Variants in NSUN4 observed in about 807,000 individuals in gnomAD.
The protein encoded by NSUN4 is NOP2/Sun RNA methyltransferase 4.
NSUN4 carries 31 observed loss-of-function variants against 43.8 expected under a neutral mutation model. The observed-to-expected ratio is 0.71, with a 90% CI of 0.53 to 0.96. NSUN4 has a LOEUF of 0.96. Ranked by LOEUF, NSUN4 falls within the 40% of genes least tolerant of loss-of-function variation. The pLI, the probability that NSUN4 is intolerant of heterozygous loss-of-function variation, is 0.00. For missense variants in NSUN4, 439 were observed against 475.6 expected (o/e 0.92, Z 0.72); for synonymous variants, 167 against 184.1 (o/e 0.91, Z 0.75).
At chr1:46,376,096 TAAAAAAAAAAAA>T in the NSUN4 span, among the ~76,000 whole-genome samples, 3 of 40,870 alleles carry the variant, frequency 7.3e-5, no homozygotes, top group Non-Finnish European at 1.2e-4. Flanking sequence ...AGAGCGAAAC[TAAAAAAAAAAAA>T]AAAAAAAAAA....
At chr1:46,368,154 G>C (rs1664177457), downstream of NSUN4, among the ~76,000 whole-genome samples, 1 of 151,970 alleles carries the variant, frequency 6.6e-6, no homozygotes, top group African/African-American at 2.4e-5. Context: ...ATTTCTCACT[G>C]ATCAAAGGCA....
intron 4 of NSUN4, among the ~76,000 whole-genome samples, chr1:46,354,889 T>G (rs977977160): frequency 8.5e-5 from 13 of 152,304 alleles, no homozygotes; most frequent in South Asian, 4.1e-4. Flanking sequence ...CAGACTGGTC[T>G]CGAACACCTG....
chr1:46,359,772 T>C (rs182359928), intron 4 of NSUN4, among the ~76,000 whole-genome samples: 2 of 152,126 alleles, frequency 1.3e-5, no homozygotes, highest in East Asian at 3.9e-4. Flanking sequence ...GCCCGGCTAA[T>C]TAAAAAATTT....
rs1663983315 is a variant in NSUN4, at chr1:46,363,078, TC to T, written c.*1234del. The T allele has an allele frequency of 6.6e-6, 1 of 152,116 alleles. No homozygotes were observed. Among genetic ancestry groups the T allele is most frequent in the African/African-American group, 2.4e-5 (1 of 41,434 alleles). The allele number at this position is 152,116 out of a possible 1,614,324, so 9.4% of individuals were successfully genotyped here. On this transcript the variant is annotated 3_prime_UTR_variant, in exon 6 of 6. Coordinates refer to ENST00000474844, the MANE Select transcript of NSUN4 (RefSeq NM_199044.4). ...TTCTTGGCTTTTCCACTTTCCTTATTCCTCCTCTTCCTGCCACTCTTTTTGT... is the reference window on the plus strand; with the variant it reads ...TTCTTGGCTTTTCCACTTTCCTTATTCTCCTCTTCCTGCCACTCTTTTTGT...
chr1:46,344,794 CTT>C lies in NSUN4; in HGVS notation c.94-4_94-3del. 1 of 1,611,388 alleles carries C rather than the reference CTT, an allele frequency of 6.2e-7. No individual in the cohort carries two copies. Among genetic ancestry groups the C allele is most frequent in the Non-Finnish European group, 8.5e-7 (1 of 1,178,248 alleles). ...GAAAACCAATAAGCCTGTCCTCTCT[CTT>C]TTAGGCTGCCACAGAGCCCAAATTC... On this transcript the variant is annotated splice_region_variant and splice_polypyrimidine_tract_variant and intron_variant, in intron 1 of 5. Coordinates refer to ENST00000474844, the MANE Select transcript of NSUN4 (RefSeq NM_199044.4).
downstream of NSUN4, among the ~76,000 whole-genome samples, chr1:46,365,816 G>A (rs1664121979): frequency 6.6e-6 from 1 of 152,248 alleles, no homozygotes; most frequent in African/African-American, 2.4e-5. Flanking sequence ...CTAACACTTA[G>A]GATTATCAAC....
chr1:46,351,481 T>A (rs1662976333), intron 3 of NSUN4, among the ~76,000 whole-genome samples: 1 of 152,046 alleles, frequency 6.6e-6, no homozygotes, highest in Non-Finnish European at 1.5e-5. Flanking sequence ...CTACCAAAGA[T>A]GAAGAGAGCC....
At chr1:46,353,132 T>C in intron 4 of NSUN4, 104 bp downstream of exon 4, 1 of 1,092,142 alleles carries the variant, frequency 9.2e-7, no homozygotes, top group Non-Finnish European at 1.3e-6. Flanking sequence ...TTTGAGCATG[T>C]AGAGCTGTTT....
At position 46,361,864 on chromosome 1, in the gene NSUN4, A is replaced by G. The variant is rs749624619; in HGVS notation, c.*18A>G. Reference sequence around the variant, plus strand: ...TGACATAGTATCACCCAATCCCTGAAGCAAGAATACAAAGGGTATACTCTG... The same window carrying G: ...TGACATAGTATCACCCAATCCCTGAGGCAAGAATACAAAGGGTATACTCTG... On this transcript the variant is annotated 3_prime_UTR_variant, in exon 6 of 6. Coordinates refer to ENST00000474844, the MANE Select transcript of NSUN4 (RefSeq NM_199044.4). 5.0e-6 allele frequency: 8 copies of G among 1,607,296 alleles called. No individual in the cohort carries two copies. The Admixed American group carries it at 8.4e-5, about 17-fold the overall frequency.
chr1:46,357,472 C>G (rs1487802328), intron 4 of NSUN4, among the ~76,000 whole-genome samples: 1 of 152,230 alleles, frequency 6.6e-6, no homozygotes, highest in Non-Finnish European at 1.5e-5. Context: ...GTTAACACTA[C>G]TGAAACAATA....
chr1:46,372,998 G>A, the NSUN4 span, among the ~76,000 whole-genome samples: 1 of 152,214 alleles, frequency 6.6e-6, no homozygotes, highest in African/African-American at 2.4e-5. Context: ...TGGGATTACA[G>A]GTGTGAGCCA....
chr1:46,345,898 C>A (rs1382244790), intron 2 of NSUN4, among the ~76,000 whole-genome samples: 1 of 152,130 alleles, frequency 6.6e-6, no homozygotes, highest in East Asian at 1.9e-4. Flanking sequence ...GCCTTTAATC[C>A]TAGCACTTTG....
downstream of NSUN4, among the ~76,000 whole-genome samples, chr1:46,367,768 T>C (rs910741467): frequency 6.2e-5 from 9 of 146,128 alleles, no homozygotes; most frequent in South Asian, 1.1e-3. Context: ...AATTTCTTTT[T>C]TTTTTTTTTT....
the NSUN4 span, among the ~76,000 whole-genome samples, chr1:46,376,949 G>T: frequency 6.6e-6 from 1 of 151,720 alleles, no homozygotes; most frequent in African/African-American, 2.4e-5. Context: ...GTAGAGAAGG[G>T]GTTTCACCAT....
At chr1:46,369,046 T>C (rs1664197462), downstream of NSUN4, among the ~76,000 whole-genome samples, 1 of 152,190 alleles carries the variant, frequency 6.6e-6, no homozygotes, top group African/African-American at 2.4e-5. Flanking sequence ...CATACCCCAA[T>C]GCTTCTGGGT....
chr1:46,368,352 A>C (rs1241924537), downstream of NSUN4, among the ~76,000 whole-genome samples: 1 of 152,128 alleles, frequency 6.6e-6, no homozygotes, highest in East Asian at 1.9e-4. Context: ...CCACCTCTTG[A>C]ATCTGGGCTG....
intron 4 of NSUN4, among the ~76,000 whole-genome samples, chr1:46,354,802 T>G (rs1367846742): frequency 1.3e-5 from 2 of 152,096 alleles, no homozygotes; most frequent in African/African-American, 4.8e-5. Flanking sequence ...CCCAGGCAGC[T>G]GGGATTACAG....
the NSUN4 span, among the ~76,000 whole-genome samples, chr1:46,380,152 C>T: frequency 2.0e-5 from 3 of 152,272 alleles, no homozygotes; most frequent in East Asian, 5.8e-4. Flanking sequence ...TGAGAAGCTC[C>T]CTTCCCTTCT....
chr1:46,374,811 A>G, the NSUN4 span, among the ~76,000 whole-genome samples: 1 of 151,870 alleles, frequency 6.6e-6, no homozygotes, highest in African/African-American at 2.4e-5. Context: ...GTATATGAGT[A>G]TAAGCTATAG....
Sources: gnomAD v4.1 joint callset for allele counts (sites outside exome capture counted in the v4.1 genomes callset) on GRCh38, gnomAD v4.1.1 for gene constraint, MANE v1.5 for transcripts, NCBI Gene and HGNC (gene_info 2026-07-23, HGNC 2026-07-21) for gene names.